Variants in ZNF385D observed in about 807,000 individuals in gnomAD.
ZNF385D encodes zinc finger protein 385D, also known as zinc finger protein 659.
ZNF385D carries 15 observed loss-of-function variants against 35.8 expected under a neutral mutation model. The observed-to-expected ratio is 0.42, with a 90% CI of 0.28 to 0.64. ZNF385D has a LOEUF of 0.64. ZNF385D is among the 30% of genes least tolerant of loss of function. The pLI is 0.23. For missense variants in ZNF385D, 474 were observed against 494.6 expected, an observed-to-expected ratio of 0.96 and a Z score of 0.39; for synonymous variants, 212 against 186.8, an observed-to-expected ratio of 1.13 and a Z score of -1.10.
intron 3 of ZNF385D, chr3:21,877,807 T>G (rs1404801265): frequency 6.6e-6 from 1 of 152,046 alleles, no homozygotes; most frequent in Non-Finnish European, 1.5e-5. Context: ...TACCTGCTTG[T>G]AGAGATATCT....
intron 3 of ZNF385D, among the ~76,000 whole-genome samples, chr3:22,007,148 A>C (rs1696261710): frequency 6.6e-6 from 1 of 152,184 alleles, no homozygotes. Context: ...AATCTCATCC[A>C]TACACCTTCT....
At chr3:21,895,855 G>A (rs980801779) in intron 3 of ZNF385D, among the ~76,000 whole-genome samples, 3 of 152,010 alleles carry the variant, frequency 2.0e-5, no homozygotes, top group Non-Finnish European at 2.9e-5. Context: ...TTGGACGTAT[G>A]GCAGGGAAAG....
chr3:21,790,727 C>T (rs368950112), intron 3 of ZNF385D, among the ~76,000 whole-genome samples: 7 of 152,156 alleles, frequency 4.6e-5, no homozygotes, highest in African/African-American at 1.7e-4. Context: ...TAAACCTTGG[C>T]AGACTAGGTC....
intron 3 of ZNF385D, among the ~76,000 whole-genome samples, chr3:21,884,858 T>C (rs1383903464): frequency 6.6e-6 from 1 of 152,068 alleles, no homozygotes; most frequent in Non-Finnish European, 1.5e-5. Flanking sequence ...TGCTTGTTGA[T>C]TTATACACGA....
chr3:21,684,384 CTCTCTCTCTCTCTCTCTCTCCT>C lies in ZNF385D; in HGVS notation c.23-19378_23-19357del, dbSNP rs1259734175. On this transcript the variant is annotated intron_variant, in intron 1 of 7. Coordinates refer to ENST00000281523, the MANE Select transcript of ZNF385D (RefSeq NM_024697.3). ...TGTTCTCCTCTCTCTCTCTCTCTCTCTCTCTCTCTCTCTCTCTCTCCTCTCTCTCTCTCTCTCTCTCTCTCTC... is the reference window on the plus strand; with the variant it reads ...TGTTCTCCTCTCTCTCTCTCTCTCTCCTCTCTCTCTCTCTCTCTCTCTCTC... Among the ~76,000 whole-genome samples, 7 of 89,350 alleles carry C rather than the reference CTCTCTCTCTCTCTCTCTCTCCT, an allele frequency of 7.8e-5. 1 individual carries two copies. The highest frequency in any genetic ancestry group is 2.3e-4 in the African/African-American group (4 of 17,338). The allele number at this position is 89,350 out of a possible 152,430, so 58.6% of individuals were successfully genotyped here. A position where few individuals can be genotyped will look rare whatever the true frequency, so the allele number is the denominator to read the frequency against.
chr3:21,648,888 C>T (rs912966365), intron 2 of ZNF385D, among the ~76,000 whole-genome samples: 2 of 152,104 alleles, frequency 1.3e-5, no homozygotes, highest in Non-Finnish European at 2.9e-5. Flanking sequence ...GTATTTTCCC[C>T]ACTTTGAAAT....
intron 2 of ZNF385D, among the ~76,000 whole-genome samples, chr3:22,358,557 G>A (rs1339898518): frequency 2.0e-5 from 3 of 151,704 alleles, no homozygotes; most frequent in Middle Eastern, 3.2e-3. Flanking sequence ...GCACCAGGAG[G>A]AAGTGCGGTC....
rs557877977 is a variant in ZNF385D at position 22,207,556 on chromosome 3, C to G, written c.107-38521G>C. Among the ~76,000 whole-genome samples the G allele has an allele frequency of 4.6e-5, 7 of 151,932 alleles. No individual in the cohort carries two copies. The South Asian group carries it at 6.2e-4, about 14-fold the overall frequency. On this transcript the variant is annotated intron_variant, in intron 2 of 5. Coordinates refer to the ZNF385D transcript ENST00000494108. ...CAAAGATTTCTTGAATAGTACACAG[C>G]AAGCATAGGCATGCAAAGCAAAAAT...
chr3:22,219,871 TGTAGA>T, intron 2 of ZNF385D, among the ~76,000 whole-genome samples: 1 of 152,222 alleles, frequency 6.6e-6, no homozygotes, highest in East Asian at 1.9e-4. Context: ...ATCTTGGAAT[TGTAGA>T]TAAACAATTA....
At chr3:22,261,794 GGTCT>G (rs1700646795) in intron 2 of ZNF385D, among the ~76,000 whole-genome samples, 2 of 151,718 alleles carry the variant, frequency 1.3e-5, no homozygotes, top group South Asian at 4.2e-4. Flanking sequence ...ACAGCAATAA[GGTCT>G]CTCTCTGAGT....
chr3:22,174,363 A>C (rs1006813264), intron 2 of ZNF385D, among the ~76,000 whole-genome samples: 4 of 152,206 alleles, frequency 2.6e-5, no homozygotes, highest in African/African-American at 9.6e-5. Context: ...CAAGTTTCTA[A>C]GACAATCTGA....
intron 3 of ZNF385D, among the ~76,000 whole-genome samples, chr3:21,832,629 C>T (rs1403734548): frequency 6.6e-6 from 1 of 152,158 alleles, no homozygotes; most frequent in Non-Finnish European, 1.5e-5. Flanking sequence ...TTGCATTATT[C>T]AACTTCACAT....
At chr3:21,948,684 C>CTA (rs35813997) in intron 3 of ZNF385D, among the ~76,000 whole-genome samples, 39,351 of 151,892 alleles carry the variant, frequency 0.26, 5,806 homozygotes, top group Admixed American at 0.41. Context: ...CTTGCCTTCT[C>CTA]TGTTTTCCAA....
chr3:21,421,759 A>C (rs1700750928), intron 7 of ZNF385D, among the ~76,000 whole-genome samples: 1 of 152,356 alleles, frequency 6.6e-6, no homozygotes. Context: ...GAGAAAATAT[A>C]GAATATTTTT....
intron 4 of ZNF385D, among the ~76,000 whole-genome samples, chr3:21,505,790 C>T (rs1330839825): frequency 6.6e-6 from 1 of 152,148 alleles, no homozygotes; most frequent in African/African-American, 2.4e-5. Context: ...TATTTAAAGT[C>T]TCCACCCCAA....
intron 2 of ZNF385D, among the ~76,000 whole-genome samples, chr3:22,187,561 A>T (rs2125789010): frequency 6.6e-6 from 1 of 152,234 alleles, no homozygotes; most frequent in East Asian, 1.9e-4. Context: ...TTCTTTTTGT[A>T]AGGAGAATGA....
chr3:21,779,092 A>G (rs1437520580), intron 3 of ZNF385D, among the ~76,000 whole-genome samples: 1 of 151,970 alleles, frequency 6.6e-6, no homozygotes, highest in Non-Finnish European at 1.5e-5. Flanking sequence ...GGTGGCAAAA[A>G]TCAACCACAG....
chr3:21,700,354 A>G (rs1018200766), intron 1 of ZNF385D, among the ~76,000 whole-genome samples: 1 of 152,226 alleles, frequency 6.6e-6, no homozygotes, highest in African/African-American at 2.4e-5. Context: ...AATTTATGCT[A>G]AGCAACTTAA....
At chr3:21,809,675 C>CACATATATAG (rs2072821131) in intron 3 of ZNF385D, among the ~76,000 whole-genome samples, 1 of 82,266 alleles carries the variant, frequency 1.2e-5, no homozygotes, top group Non-Finnish European at 2.8e-5. Context: ...CACATATATA[C>CACATATATAG]ACACATATAT....
Sources: allele counts gnomAD v4.1 joint callset (sites outside exome capture counted in the v4.1 genomes callset), GRCh38; gene constraint gnomAD v4.1.1; transcripts MANE v1.5; gene names NCBI Gene and HGNC (gene_info 2026-07-23, HGNC 2026-07-21).